ALOX12B: variants seen among roughly 807,000 people sequenced by gnomAD.
The protein encoded by ALOX12B is arachidonate 12-lipoxygenase, 12R-type.
A neutral mutation model predicts 78.9 loss-of-function variants in ALOX12B; 47 were observed. The observed-to-expected ratio is 0.60, with a 90% CI of 0.47 to 0.76. The LOEUF (loss-of-function observed/expected upper bound fraction) is 0.76. ALOX12B is among the 30% of genes least tolerant of loss of function. The probability of loss-of-function intolerance (pLI) is 0.00; values close to 1 mark genes in which losing one functional copy is unlikely to be tolerated. For synonymous variants in ALOX12B, 370 were observed against 374.5 expected, an observed-to-expected ratio of 0.99 and a Z score of 0.14; for missense variants, 805 against 922.6, an observed-to-expected ratio of 0.87 and a Z score of 1.65.
chr17:8,082,391 G>A (rs558779506), intron 2 of ALOX12B, among the ~76,000 whole-genome samples: 18 of 152,224 alleles, frequency 1.2e-4, no homozygotes, highest in Non-Finnish European at 2.2e-4. Context: ...GGAGGAAAGC[G>A]TTCTTATCGC....
chr17:8,085,914 G>T, intron 2 of ALOX12B, 102 bp downstream of exon 2: 1 of 1,402,506 alleles, frequency 7.1e-7, no homozygotes, highest in Middle Eastern at 2.4e-4. Context: ...GTGGGGCTGG[G>T]CCCCCCTCTG....
Position 8,073,333 on chromosome 17 carries a change from G to A in ALOX12B, c.1756-15C>T. On this transcript the variant is annotated splice_polypyrimidine_tract_variant and intron_variant, in intron 13 of 14. Transcript: ENST00000647874. ...GTGAACTCCATCTGGAGGTGGGATA[G>A]AGGCGCGGGTCTGGGTGGAAGAGTA... 2 of 1,614,102 alleles carry A rather than the reference G, an allele frequency of 1.2e-6. No individual in the cohort carries two copies. The highest frequency in any genetic ancestry group is 1.7e-6 in the Non-Finnish European group (2 of 1,180,044).
intron 2 of ALOX12B, among the ~76,000 whole-genome samples, chr17:8,084,043 A>G (rs1245247348): frequency 6.6e-6 from 1 of 152,160 alleles, no homozygotes; most frequent in African/African-American, 2.4e-5. Context: ...CTGTAGTCCC[A>G]GCTACTCAGG....
chr17:8,080,813 A>G lies in ALOX12B; in HGVS notation c.528-33T>C, dbSNP rs1396763784. 6.8e-6 allele frequency: 11 copies of G among 1,613,956 alleles called. No homozygotes were observed. The highest frequency in any genetic ancestry group is 1.3e-5 in the African/African-American group (1 of 74,882). ...GAGAAGCGCAGGGCAACTGGGATCC[A>G]GGGGGCGGGGAGGAGGCAGGCGCCC... On this transcript the variant is annotated intron_variant, in intron 4 of 14. Transcript: ENST00000647874. This position sits in a 1 kb window ranked among gnomAD's most constrained non-coding sequence, Gnocchi z 4.8.
At position 8,079,505 on chromosome 17, in the gene ALOX12B, A is replaced by T; in HGVS notation, c.962T>A (p.Met321Lys). The T allele has an allele frequency of 6.4e-7, 1 of 1,550,926 alleles. No individual in the cohort carries two copies. The highest frequency in any genetic ancestry group is 8.7e-7 in the Non-Finnish European group (1 of 1,146,990). Residue 321 changes from methionine (M) to lysine (K), a missense_variant, in exon 8 of 15, where the codon ATG becomes AAG. Transcript: ENST00000647874. The surrounding 1 kb of genome is among the most constrained non-coding windows in gnomAD (Gnocchi z 6.4). Reference protein sequence around the residue: ...GNIYLADYRIMEGIPTVELSG... With the variant: ...GNIYLADYRIKEGIPTVELSG... ...GAGCTCCACGGTGGGGATGCCCTCC[A>T]TGATGCGGTAGTCGGCCAGGTAAAT...
intron 2 of ALOX12B, among the ~76,000 whole-genome samples, chr17:8,083,933 C>T (rs1363179436): frequency 6.6e-6 from 1 of 152,014 alleles, no homozygotes; most frequent in African/African-American, 2.4e-5. Context: ...CCAAGGCAGG[C>T]AGATCACAAG....
intron 12 of ALOX12B, among the ~76,000 whole-genome samples, chr17:8,074,661 T>C (rs1598177687): frequency 6.6e-6 from 1 of 152,164 alleles, no homozygotes; most frequent in East Asian, 1.9e-4. Context: ...CTGATCTCCT[T>C]GCAAAACCCT....
chr17:8,080,386 G>A lies in ALOX12B; in HGVS notation c.651-48C>T. 1 of 1,600,646 alleles carries A rather than the reference G, an allele frequency of 6.2e-7. No homozygotes were observed. On this transcript the variant is annotated intron_variant, in intron 5 of 14. Transcript: ENST00000647874. This position sits in a 1 kb window ranked among gnomAD's most constrained non-coding sequence, Gnocchi z 4.8. ...GAGGCCTTCAGAGGGGCTGCCAAGC[G>A]CCGGCTGGGGCAGGTGGCGGGGCCG... is the stretch of plus-strand genomic sequence containing the variant.
In ALOX12B at chr17:8,079,142, C is replaced by T. The variant is rs879099049; in HGVS notation, c.1071+254G>A. ...TCGATCTCCTGACCTCGTGATCCGC[C>T]CGCCTCGGCCTCCCAAAGTGCTGGG... On this transcript the variant is annotated intron_variant, in intron 8 of 14. Coordinates refer to ENST00000647874, the MANE Select transcript of ALOX12B (RefSeq NM_001139.3). This position sits in a 1 kb window ranked among gnomAD's most constrained non-coding sequence, Gnocchi z 6.4. Among the ~76,000 whole-genome samples the T allele has an allele frequency of 3.9e-5, 6 of 152,146 alleles. No individual in the cohort carries two copies. Among genetic ancestry groups the T allele is most frequent in the African/African-American group, 9.7e-5 (4 of 41,450 alleles).
rs1045137093 is a variant in ALOX12B, at chr17:8,085,890, C to A, written c.352+126G>T. The A allele has an allele frequency of 4.5e-6, 5 of 1,110,372 alleles. No homozygotes were observed. The East Asian group carries it at 7.3e-5, about 16-fold the overall frequency. 68.8% of individuals were successfully genotyped at this position (1,110,372 alleles called of 1,614,324 possible). A position where few individuals can be genotyped will look rare whatever the true frequency, so the allele number is the denominator to read the frequency against. On this transcript the variant is annotated intron_variant, in intron 2 of 14. Coordinates refer to ENST00000647874, the MANE Select transcript of ALOX12B (RefSeq NM_001139.3). ...GAAATGTGTGACAGTGGCAGGAGAGCCCAGGAGTCCCTGGTGGGGCTGGGC... is the reference window on the plus strand; with the variant it reads ...GAAATGTGTGACAGTGGCAGGAGAGACCAGGAGTCCCTGGTGGGGCTGGGC...
chr17:8,085,138 G>C (rs1461578877), intron 2 of ALOX12B, among the ~76,000 whole-genome samples: 1 of 152,194 alleles, frequency 6.6e-6, no homozygotes, highest in African/African-American at 2.4e-5. Context: ...ATGGTGTCCT[G>C]TTGGGAAAAT....
chr17:8,077,629 C>G (rs992642036), intron 8 of ALOX12B, among the ~76,000 whole-genome samples: 1 of 152,180 alleles, frequency 6.6e-6, no homozygotes, highest in Non-Finnish European at 1.5e-5. Flanking sequence ...GGGCTCTGGC[C>G]CATCCCCCCA....
intron 8 of ALOX12B, among the ~76,000 whole-genome samples, chr17:8,078,639 C>T (rs1037807872): frequency 1.3e-5 from 2 of 152,220 alleles, no homozygotes; most frequent in Non-Finnish European, 1.5e-5. Context: ...CGCTGAGCAG[C>T]GCACTTTGTA....
chr17:8,080,300 T>C lies in ALOX12B; in HGVS notation c.689A>G (p.Lys230Arg), dbSNP rs963154837. ...GTCCTTCAGCCTCTTCCACGAATGT[T>C]TGCAGTCCAACAGGCCGCGGACTTT... ...AFKVRGLLDC[K>R]HSWKRLKDIR... is the part of the protein sequence containing the mutation. The change falls in exon 6 of 15, where the codon AAA becomes AGA. Residue 230 changes from lysine to arginine, a missense_variant. By Grantham distance (26) the Lys-to-Arg change is conservative (BLOSUM62 2). Transcript: ENST00000647874. This position sits in a 1 kb window ranked among gnomAD's most constrained non-coding sequence, Gnocchi z 4.8. 2 of 1,614,218 alleles carry C rather than the reference T, an allele frequency of 1.2e-6. No individual in the cohort carries two copies. Among genetic ancestry groups the C allele is most frequent in the East Asian group, 2.2e-5 (1 of 44,880 alleles).
Position 8,077,211 on chromosome 17 carries a change from GA to G in ALOX12B, c.1072-19del, listed in dbSNP as rs1266438581. Reference sequence around the variant, plus strand: ...TGGCTGAGCTAGGTGTGGTGAAAGAGAAAGGGTTGGGTGAGGGCAGAGACCC... The same window carrying G: ...TGGCTGAGCTAGGTGTGGTGAAAGAGAAGGGTTGGGTGAGGGCAGAGACCC... On this transcript the variant is annotated intron_variant, in intron 8 of 14. Coordinates refer to ENST00000647874, the MANE Select transcript of ALOX12B (RefSeq NM_001139.3). 1 of 1,600,372 alleles carries G rather than the reference GA, an allele frequency of 6.2e-7. No individual in the cohort carries two copies. The highest frequency in any genetic ancestry group is 1.7e-5 in the Admixed American group (1 of 57,740).
At chr17:8,074,535 G>A (rs1351104107) in intron 12 of ALOX12B, among the ~76,000 whole-genome samples, 2 of 151,442 alleles carry the variant, frequency 1.3e-5, no homozygotes, top group South Asian at 4.2e-4. Flanking sequence ...AATTCTCTGT[G>A]GCATCCCCAC....
chr17:8,084,832 G>A (rs1385776899), intron 2 of ALOX12B, among the ~76,000 whole-genome samples: 2 of 152,208 alleles, frequency 1.3e-5, no homozygotes, highest in Non-Finnish European at 2.9e-5. Context: ...GTGGAACTGG[G>A]AGATAAGAGA....
At chr17:8,077,774 C>T (rs1351761349) in intron 8 of ALOX12B, among the ~76,000 whole-genome samples, 1 of 152,194 alleles carries the variant, frequency 6.6e-6, no homozygotes, top group Non-Finnish European at 1.5e-5. Context: ...CCAGTAGGGA[C>T]CTGACCCCCT....
chr17:8,073,835 C>A, intron 12 of ALOX12B, 78 bp from the exon 13 acceptor site: 1 of 1,140,590 alleles, frequency 8.8e-7, no homozygotes, highest in East Asian at 2.5e-5. Flanking sequence ...GCCACCATGC[C>A]CCGCTCTCAC....
Sources: gnomAD v4.1 joint callset for allele counts (sites outside exome capture counted in the v4.1 genomes callset) on GRCh38, gnomAD v4.1.1 for gene constraint, Gnocchi (gnomAD v3.1) non-coding constraint, MANE v1.5 for transcripts, NCBI Gene and HGNC (gene_info 2026-07-23, HGNC 2026-07-21) for gene names.